MROH9: variants seen among roughly 807,000 people sequenced by gnomAD.
MROH9 encodes the protein maestro heat like repeat family member 9.
In MROH9, 92 loss-of-function variants were observed where a neutral mutation model predicts 98.2. That is an observed-to-expected ratio of 0.94 (90% CI 0.79 to 1.11). MROH9 has a LOEUF of 1.11. Among genes scored for constraint, MROH9 ranks in the 50% most tolerant of loss-of-function variants. The pLI, the probability that MROH9 is intolerant of heterozygous loss-of-function variation, is 0.00. For missense variants in MROH9, 1,057 were observed against 1,014.8 expected, an observed-to-expected ratio of 1.04 and a Z score of -0.57; for synonymous variants, 397 against 368.9, an observed-to-expected ratio of 1.08 and a Z score of -0.87.
intron 1 of MROH9, among the ~76,000 whole-genome samples, chr1:170,944,741 A>G (rs1027693828): frequency 3.9e-5 from 6 of 152,024 alleles, no homozygotes; most frequent in Non-Finnish European, 7.4e-5. Context: ...TGATGATACA[A>G]TAATTATGAA....
At chr1:170,996,469 C>T (rs1323430616) in intron 13 of MROH9, 38 bp from the exon 14 acceptor site, 2 of 1,604,688 alleles carry the variant, frequency 1.2e-6, no homozygotes, top group East Asian at 4.5e-5. Flanking sequence ...TTGAATATCA[C>T]CGGCATGTGA....
chr1:171,007,828 C>T (rs28650053), intron 15 of MROH9, among the ~76,000 whole-genome samples: 21,549 of 152,124 alleles, frequency 0.14, 1,705 homozygotes, highest in African/African-American at 0.21. Context: ...GGTGGCAGAA[C>T]CAACACCAAA....
At chr1:171,044,820 A>G (rs1024882803) in intron 20 of MROH9, among the ~76,000 whole-genome samples, 2 of 150,548 alleles carry the variant, frequency 1.3e-5, no homozygotes, top group East Asian at 3.9e-4. Flanking sequence ...CTCCTTTTTC[A>G]TTTTTTATTT....
chr1:171,042,145 T>C (rs1450739147), intron 20 of MROH9, among the ~76,000 whole-genome samples: 1 of 152,080 alleles, frequency 6.6e-6, no homozygotes, highest in Non-Finnish European at 1.5e-5. Context: ...CCCATTACCC[T>C]TTCTAGCTTC....
At chr1:170,971,952 C>A in intron 8 of MROH9, 69 bp downstream of exon 8, 3 of 1,511,758 alleles carry the variant, frequency 2.0e-6, no homozygotes, top group Non-Finnish European at 1.8e-6. Flanking sequence ...ACTTATAGGT[C>A]CTGGGAAGGC....
chr1:170,961,722 A>T (rs1453652260), intron 5 of MROH9, among the ~76,000 whole-genome samples, 168 bp from the exon 6 acceptor site: 10 of 152,088 alleles, frequency 6.6e-5, no homozygotes, highest in African/African-American at 2.2e-4. Context: ...AATTCTTTAA[A>T]TATGTGTGGC....
At chr1:171,030,806 T>C (rs1028959221) in intron 20 of MROH9, among the ~76,000 whole-genome samples, 2 of 152,214 alleles carry the variant, frequency 1.3e-5, no homozygotes, top group Non-Finnish European at 2.9e-5. Context: ...TTGGGCCCAT[T>C]TGATCCAGAG....
At chr1:171,054,309 G>C (rs369379089) in intron 20 of MROH9, among the ~76,000 whole-genome samples, 17 of 152,196 alleles carry the variant, frequency 1.1e-4, no homozygotes, top group East Asian at 9.7e-4. Context: ...AATTGTGCTG[G>C]GATAATTGGC....
At chr1:171,062,545 T>C (rs1384073433) in intron 21 of MROH9, among the ~76,000 whole-genome samples, 1 of 152,250 alleles carries the variant, frequency 6.6e-6, no homozygotes, top group East Asian at 1.9e-4. Flanking sequence ...TATGTTTACG[T>C]GACAGCACTA....
chr1:170,955,698 GTAGATTCTGCATAT>G (rs1472661847), intron 3 of MROH9, among the ~76,000 whole-genome samples: 1 of 151,992 alleles, frequency 6.6e-6, no homozygotes, highest in Non-Finnish European at 1.5e-5. Context: ...TGAATTTGTT[GTAGATTCTGCATAT>G]TAGTTCTTTG....
intron 7 of MROH9, among the ~76,000 whole-genome samples, chr1:170,971,308 T>TC (rs1650448495): frequency 6.6e-6 from 1 of 152,176 alleles, no homozygotes; most frequent in South Asian, 2.1e-4. Context: ...GTGGCATGCC[T>TC]CCTCAGTGAC....
At chr1:170,965,991 C>T (rs1428851912) in intron 7 of MROH9, among the ~76,000 whole-genome samples, 2 of 151,946 alleles carry the variant, frequency 1.3e-5, no homozygotes, top group Non-Finnish European at 2.9e-5. Flanking sequence ...AGCTATTTTT[C>T]AGTTGATGGA....
chr1:171,027,258 T>C (rs1652745841), intron 20 of MROH9, among the ~76,000 whole-genome samples: 1 of 152,216 alleles, frequency 6.6e-6, no homozygotes, highest in South Asian at 2.1e-4. Context: ...CCTTTGTCCA[T>C]GTGTTCTTGT....
At chr1:171,052,043 T>C (rs564584548) in intron 20 of MROH9, among the ~76,000 whole-genome samples, 1 of 152,254 alleles carries the variant, frequency 6.6e-6, no homozygotes, top group South Asian at 2.1e-4. Flanking sequence ...CCTTTTTTTT[T>C]TTATTAATTA....
At chr1:171,016,464 A>T in intron 17 of MROH9, 128 bp downstream of exon 17, 1 of 676,734 alleles carries the variant, frequency 1.5e-6, no homozygotes, top group Non-Finnish European at 2.2e-6. Context: ...TTTTACAGAG[A>T]TAAAAATATT....
intron 11 of MROH9, among the ~76,000 whole-genome samples, chr1:170,991,112 C>T (rs776944240): frequency 9.9e-5 from 15 of 151,962 alleles, no homozygotes; most frequent in Non-Finnish European, 2.2e-4. Context: ...TAAAAATTGC[C>T]AATAAATCTG....
chr1:170,980,077 G>C (rs1650871014), intron 8 of MROH9, among the ~76,000 whole-genome samples: 1 of 151,938 alleles, frequency 6.6e-6, no homozygotes, highest in Admixed American at 6.6e-5. Flanking sequence ...ACTGCTCAAG[G>C]AAATAAGAGA....
chr1:171,017,709 G>A (rs1260311912), intron 17 of MROH9, among the ~76,000 whole-genome samples: 1 of 152,152 alleles, frequency 6.6e-6, no homozygotes, highest in African/African-American at 2.4e-5. Context: ...CTTTTTCCCT[G>A]CTGGAGCCAG....
At chr1:171,013,362 A>G (rs1571502329) in intron 15 of MROH9, among the ~76,000 whole-genome samples, 1 of 152,138 alleles carries the variant, frequency 6.6e-6, no homozygotes, top group East Asian at 1.9e-4. Flanking sequence ...TTTTCATAGT[A>G]GCACAAACCT....
Sources: gnomAD v4.1 joint callset for allele counts (sites outside exome capture counted in the v4.1 genomes callset) on GRCh38, gnomAD v4.1.1 for gene constraint, MANE v1.5 for transcripts, NCBI Gene and HGNC (gene_info 2026-07-23, HGNC 2026-07-21) for gene names.